ADAMTSL3: variants seen among roughly 807,000 people sequenced by gnomAD.
The protein encoded by ADAMTSL3 is ADAMTS-like protein 3.
A neutral mutation model predicts 201.7 loss-of-function variants in ADAMTSL3; 128 were observed. The observed-to-expected ratio is 0.63, with a 90% CI of 0.55 to 0.73. The LOEUF is 0.73. Ranked by LOEUF, ADAMTSL3 falls within the 30% of genes least tolerant of loss-of-function variation. ADAMTSL3 has a pLI of 0.00. For missense variants in ADAMTSL3, 1,990 were observed against 2,119.6 expected, an observed-to-expected ratio of 0.94 and a Z score of 1.20; for synonymous variants, 738 against 748.4, an observed-to-expected ratio of 0.99 and a Z score of 0.23.
At chr15:84,029,904 CA>C (rs2141933472) in intron 27 of ADAMTSL3, among the ~76,000 whole-genome samples, 1 of 152,356 alleles carries the variant, frequency 6.6e-6, no homozygotes, top group Non-Finnish European at 1.5e-5. Flanking sequence ...CAACTCAGGC[CA>C]TTGCTTCAGA....
intron 28 of ADAMTSL3, among the ~76,000 whole-genome samples, chr15:84,035,292 T>C (rs746264163): frequency 1.3e-5 from 2 of 152,258 alleles, no homozygotes. Context: ...GAGGGATTTA[T>C]TAATAAGACA....
At chr15:83,916,903 T>G (rs2066044391) in intron 16 of ADAMTSL3, among the ~76,000 whole-genome samples, 1 of 152,252 alleles carries the variant, frequency 6.6e-6, no homozygotes, top group Non-Finnish European at 1.5e-5. Context: ...ATTCTTTGCC[T>G]TGATGGAGCA....
At chr15:83,828,200 G>A (rs569582312) in intron 6 of ADAMTSL3, among the ~76,000 whole-genome samples, 3 of 151,982 alleles carry the variant, frequency 2.0e-5, no homozygotes, top group East Asian at 3.9e-4. Context: ...CTTTTATTTC[G>A]TTGAGCAGTG....
At chr15:84,000,675 A>G (rs1448410354) in intron 23 of ADAMTSL3, among the ~76,000 whole-genome samples, 1 of 152,246 alleles carries the variant, frequency 6.6e-6, no homozygotes, top group African/African-American at 2.4e-5. Context: ...TAAGGCTTCT[A>G]ACTAAGGAGT....
chr15:83,707,042 A>G (rs2061862824), intron 3 of ADAMTSL3, among the ~76,000 whole-genome samples: 1 of 152,068 alleles, frequency 6.6e-6, no homozygotes, highest in African/African-American at 2.4e-5. Context: ...AAATACTATC[A>G]AACTTTTAAA....
intron 3 of ADAMTSL3, among the ~76,000 whole-genome samples, chr15:83,727,990 G>A (rs550301780): frequency 2.0e-5 from 3 of 151,942 alleles, no homozygotes; most frequent in South Asian, 2.1e-4. Flanking sequence ...TATTGTTATT[G>A]GAATCTATGT....
At chr15:83,883,957 A>T (rs533143957) in intron 9 of ADAMTSL3, among the ~76,000 whole-genome samples, 1 of 150,866 alleles carries the variant, frequency 6.6e-6, no homozygotes, top group South Asian at 2.1e-4. Flanking sequence ...CAATGGTGCG[A>T]TCTCAGCTCA....
Position 84,021,259 on chromosome 15 carries a change from A to G in ADAMTSL3, c.4274-151A>G. On this transcript the variant is annotated intron_variant, in intron 25 of 29. Coordinates refer to ENST00000286744, the MANE Select transcript of ADAMTSL3 (RefSeq NM_207517.3). ...AATTAGTTGAGGGAAAATAAGATTT[A>G]GAGGACTCCCTTGCACTATGAGATG... The G allele has an allele frequency of 2.3e-5, 17 of 744,704 alleles. No individual in the cohort carries two copies. The South Asian group carries it at 3.1e-4, about 14-fold the overall frequency. 46.1% of individuals were successfully genotyped at this position (744,704 alleles called of 1,614,324 possible). A position where few individuals can be genotyped will look rare whatever the true frequency, so the allele number is the denominator to read the frequency against.
At chr15:83,692,412 A>G (rs1194016184) in intron 2 of ADAMTSL3, among the ~76,000 whole-genome samples, 2 of 152,036 alleles carry the variant, frequency 1.3e-5, no homozygotes, top group Admixed American at 6.6e-5. Flanking sequence ...GAGGCTGGGC[A>G]CGGTGGCTCA....
At chr15:83,753,984 T>A (rs1032396768) in intron 3 of ADAMTSL3, among the ~76,000 whole-genome samples, 4 of 152,348 alleles carry the variant, frequency 2.6e-5, no homozygotes, top group Middle Eastern at 6.8e-3. Flanking sequence ...TCTTCATAAG[T>A]CATCATGAGA....
chr15:83,848,335 A>G (rs76124072), intron 7 of ADAMTSL3, among the ~76,000 whole-genome samples: 21 of 152,358 alleles, frequency 1.4e-4, no homozygotes, highest in African/African-American at 5.1e-4. Flanking sequence ...ATGATCTGAT[A>G]TAAATTACAG....
intron 3 of ADAMTSL3, among the ~76,000 whole-genome samples, chr15:83,719,096 T>G (rs1224360278): frequency 2.6e-5 from 4 of 152,218 alleles, no homozygotes; most frequent in Non-Finnish European, 5.9e-5. Flanking sequence ...TGTACATCTC[T>G]TGATGGAAGA....
chr15:83,956,649 T>G (rs748782219), intron 19 of ADAMTSL3, among the ~76,000 whole-genome samples: 12 of 151,812 alleles, frequency 7.9e-5, no homozygotes, highest in Non-Finnish European at 1.6e-4. Flanking sequence ...CTGTTCCATG[T>G]GTTTTAAGTT....
chr15:84,036,011 C>T (rs966052210), intron 28 of ADAMTSL3, among the ~76,000 whole-genome samples: 4 of 152,158 alleles, frequency 2.6e-5, no homozygotes, highest in African/African-American at 9.7e-5. Flanking sequence ...ATTTCTTCAA[C>T]CAGCTCAAGT....
At chr15:83,985,861 C>G (rs1467255395) in intron 21 of ADAMTSL3, among the ~76,000 whole-genome samples, 1 of 152,120 alleles carries the variant, frequency 6.6e-6, no homozygotes, top group African/African-American at 2.4e-5. Flanking sequence ...AACTCCTGAC[C>G]TCAAGTGATC....
chr15:83,929,869 G>A (rs2066323338), intron 17 of ADAMTSL3, among the ~76,000 whole-genome samples: 1 of 151,980 alleles, frequency 6.6e-6, no homozygotes, highest in Admixed American at 6.6e-5. Context: ...CCACACTCCT[G>A]CTCATTCATG....
intron 7 of ADAMTSL3, 33 bp from the exon 8 acceptor site, chr15:83,858,733 G>A (rs1466813378): frequency 4.5e-6 from 7 of 1,572,672 alleles, no homozygotes; most frequent in Non-Finnish European, 6.1e-6. Context: ...TAGTGTACTG[G>A]TTTTATTGCA....
rs182450855 is a variant in ADAMTSL3 at position 83,832,543 on chromosome 15, G to A, written c.601-5546G>A. On this transcript the variant is annotated intron_variant, in intron 6 of 29. Transcript: ENST00000286744. ...TCGGAAGTGACTTAGACACTTCTTG[G>A]TAGAATTCAGTATCTTTCCTTCAGC... Among the ~76,000 whole-genome samples, 24 of 152,180 alleles carry A rather than the reference G, an allele frequency of 1.6e-4. No homozygotes were observed. The East Asian group carries it at 3.9e-3, about 24-fold the overall frequency.
At chr15:83,919,084 A>G (rs1310633322) in intron 16 of ADAMTSL3, among the ~76,000 whole-genome samples, 1 of 152,190 alleles carries the variant, frequency 6.6e-6, no homozygotes, top group African/African-American at 2.4e-5. Flanking sequence ...ATTTGTGAAC[A>G]TAATGCTTTT....
Sources: allele counts gnomAD v4.1 joint callset (sites outside exome capture counted in the v4.1 genomes callset), GRCh38; gene constraint gnomAD v4.1.1; transcripts MANE v1.5; gene names NCBI Gene and HGNC (gene_info 2026-07-23, HGNC 2026-07-21).